IFNGR2: variants seen among roughly 807,000 people sequenced by gnomAD.
IFNGR2 encodes the protein IFN-gamma receptor 2.
A neutral mutation model predicts 41.1 loss-of-function variants in IFNGR2; 15 were observed. The observed-to-expected ratio is 0.37, with a 90% CI of 0.24 to 0.56. IFNGR2 has a LOEUF of 0.56. IFNGR2 is among the 20% of genes least tolerant of loss of function. The pLI, the probability that IFNGR2 is intolerant of heterozygous loss-of-function variation, is 0.81. For missense variants in IFNGR2, 362 were observed against 415.7 expected (o/e 0.87, Z 1.12); for synonymous variants, 161 against 171.6 (o/e 0.94, Z 0.48).
intron 2 of IFNGR2, 90 bp from the exon 3 acceptor site, chr21:33,421,390 A>G (rs2083790770): frequency 6.0e-6 from 6 of 999,526 alleles, no homozygotes; most frequent in Admixed American, 1.7e-5. Context: ...TTGTATCTCA[A>G]TAAACCTGCG....
chr21:33,414,817 G>T, intron 1 of IFNGR2, 71 bp from the exon 2 acceptor site: 1 of 1,497,554 alleles, frequency 6.7e-7, no homozygotes, highest in Non-Finnish European at 9.1e-7. Flanking sequence ...AATGGACATT[G>T]AAACATTTTT....
intron 4 of IFNGR2, among the ~76,000 whole-genome samples, chr21:33,428,164 C>T (rs984156703): frequency 2.0e-5 from 3 of 151,892 alleles, no homozygotes; most frequent in Non-Finnish European, 4.4e-5. Flanking sequence ...TGCTCTTGAC[C>T]ACCATCTTTT....
At chr21:33,429,296 A>C (rs1348910920) in intron 4 of IFNGR2, among the ~76,000 whole-genome samples, 1 of 151,888 alleles carries the variant, frequency 6.6e-6, no homozygotes, top group Non-Finnish European at 1.5e-5. Flanking sequence ...CCCAAGACCC[A>C]CCCTAGATCG....
chr21:33,410,110 C>T (rs1318293500), intron 1 of IFNGR2, among the ~76,000 whole-genome samples: 1 of 2,772 alleles, frequency 3.6e-4, no homozygotes, highest in Non-Finnish European at 1.2e-3. Flanking sequence ...ATGTATTATA[C>T]AGGAGGTTCT....
intron 2 of IFNGR2, among the ~76,000 whole-genome samples, chr21:33,417,792 T>C (rs1393545855): frequency 1.3e-5 from 2 of 152,104 alleles, no homozygotes; most frequent in South Asian, 2.1e-4. Context: ...GGCTGATGTA[T>C]TGACTTAGGC....
chr21:33,436,084 G>A (rs528557890), intron 6 of IFNGR2, among the ~76,000 whole-genome samples: 56 of 151,764 alleles, frequency 3.7e-4, no homozygotes, highest in Non-Finnish European at 4.0e-4. Context: ...GTTGCCGGGT[G>A]CAGTGGCTCA....
chr21:33,433,009 C>T, intron 6 of IFNGR2, 138 bp downstream of exon 6: 1 of 739,206 alleles, frequency 1.4e-6, no homozygotes. Flanking sequence ...CCTCAGCCTC[C>T]TGAGTAGCTG....
Position 33,426,980 on chromosome 21 carries a change from C to T in IFNGR2, c.509C>T (p.Thr170Met), listed in dbSNP as rs142997921. ...CCCTTTGACATCGCTGATACCTCCA[C>T]GGCCTTTTTTTGTTATTATGTCCAT... ...SSPFDIADTS[T>M]AFFCYYVHYW... is the part of the protein sequence containing the mutation. Residue 170 changes from threonine (T) to methionine (M), a missense_variant, in exon 4 of 7, where the codon ACG (threonine) becomes ATG (methionine). Transcript: ENST00000290219. 50 of 1,613,374 alleles carry T rather than the reference C, an allele frequency of 3.1e-5. No individual in the cohort carries two copies. The highest frequency in any genetic ancestry group is 1.1e-4 in the African/African-American group (8 of 74,844).
chr21:33,417,903 A>T (rs78618207), intron 2 of IFNGR2, among the ~76,000 whole-genome samples: 7 of 143,874 alleles, frequency 4.9e-5, no homozygotes, highest in African/African-American at 1.8e-4. Flanking sequence ...TTATTGCATT[A>T]AAAAAAAAAA....
At position 33,414,889 on chromosome 21, in the gene IFNGR2, C is replaced by A; in HGVS notation, c.75C>A (p.Asp25Glu). The stretch of plus-strand genomic sequence containing the variant: ...TTCTTTTTCTCTGTCCCCCTCAAGA[C>A]CCTCTTTCCCAGCTGCCCGCTCCTC... Reference protein sequence around the residue: ...VFAAAAAAPPDPLSQLPAPQH... With the variant: ...VFAAAAAAPPEPLSQLPAPQH... The change falls in exon 2 of 7, where the codon GAC (aspartate) becomes GAA (glutamate). Residue 25 changes from aspartate to glutamate, a missense_variant and splice_region_variant. Asp to Glu is a conservative substitution (Grantham distance 45). Coordinates refer to ENST00000290219, the MANE Select transcript of IFNGR2 (RefSeq NM_005534.4). 6.2e-7 allele frequency: 1 copy of A among 1,613,294 alleles called. No homozygotes were observed. Among genetic ancestry groups the A allele is most frequent in the East Asian group, 2.2e-5 (1 of 44,858 alleles).
chr21:33,431,531 T>C (rs898134778), intron 4 of IFNGR2, among the ~76,000 whole-genome samples: 1 of 152,158 alleles, frequency 6.6e-6, no homozygotes, highest in Non-Finnish European at 1.5e-5. Flanking sequence ...GGTCGCACCA[T>C]TGCGGTCCAG....
rs1322356949 is a variant in IFNGR2 at position 33,436,951 on chromosome 21, C to G, written c.1003C>G (p.Gln335Glu). Residue 335 changes from glutamine to glutamate, a missense_variant, in exon 7 of 7, where the codon CAA becomes GAA. Gln to Glu is a conservative substitution (Grantham distance 29). Coordinates refer to ENST00000290219, the MANE Select transcript of IFNGR2 (RefSeq NM_005534.4). ...FPEKEQEDVL[Q>E]TL ...GGAAAAGGAGCAAGAAGATGTTCTC[C>G]AAACGCTTTGAACCAAAGCATGGGC... 2 of 1,613,856 alleles carry G rather than the reference C, an allele frequency of 1.2e-6. No individual in the cohort carries two copies. Among genetic ancestry groups the G allele is most frequent in the Non-Finnish European group, 1.7e-6 (2 of 1,179,962 alleles).
intron 1 of IFNGR2, among the ~76,000 whole-genome samples, chr21:33,406,259 C>T (rs1381787639): frequency 6.6e-6 from 1 of 151,884 alleles, no homozygotes; most frequent in East Asian, 1.9e-4. Context: ...GCCTGTAATC[C>T]CAGCTACCTG....
Position 33,403,537 on chromosome 21 carries a change from C to G in IFNGR2, c.-7C>G. ...GCGACCTGAGCCGCCGCCGAGCGCC[C>G]GGGGCCATGCGACCGACGCTGCTGT... On this transcript the variant is annotated 5_prime_UTR_variant, in exon 1 of 7. Coordinates refer to ENST00000290219, the MANE Select transcript of IFNGR2 (RefSeq NM_005534.4). 1.5e-6 allele frequency: 2 copies of G among 1,303,904 alleles called. No individual in the cohort carries two copies. The highest frequency in any genetic ancestry group is 2.0e-6 in the Non-Finnish European group (2 of 1,019,172). The allele number at this position is 1,303,904 out of a possible 1,614,324, so 80.8% of individuals were successfully genotyped here. A position where few individuals can be genotyped will look rare whatever the true frequency, so the allele number is the denominator to read the frequency against.
Position 33,421,521 on chromosome 21 carries a change from G to C in IFNGR2, c.248G>C (p.Gly83Ala). 6.2e-7 allele frequency: 1 copy of C among 1,613,978 alleles called. No individual in the cohort carries two copies. The highest frequency in any genetic ancestry group is 8.5e-7 in the Non-Finnish European group (1 of 1,179,954). ...TTCACGGCCGACATCATGTCCATAG[G>C]GGTGAATTGTACACAGATCACAGCA... ...KWFTADIMSI[G>A]VNCTQITATE... The change falls in exon 3 of 7, where the codon GGG becomes GCG. Residue 83 changes from glycine to alanine, a missense_variant. By Grantham distance (60) the Gly-to-Ala change is moderately conservative. Transcript: ENST00000290219.
intron 2 of IFNGR2, among the ~76,000 whole-genome samples, chr21:33,416,801 G>C (rs929416236): frequency 2.2e-5 from 3 of 139,472 alleles, no homozygotes; most frequent in Non-Finnish European, 4.6e-5. Flanking sequence ...CAGGCTGGGC[G>C]ACAGAGCGAG....
At chr21:33,425,757 G>C (rs2083831057) in intron 3 of IFNGR2, among the ~76,000 whole-genome samples, 1 of 152,154 alleles carries the variant, frequency 6.6e-6, no homozygotes, top group South Asian at 2.1e-4. Context: ...ACAAATGAGG[G>C]GGCACAACTA....
At position 33,403,490 on chromosome 21, in the gene IFNGR2, G is replaced by C; in HGVS notation, c.-54G>C. ...GGGCGGCGACGTGAGCGGCTCCGCG[G>C]ACCCCGAGCGGGGCCCCGGCCGCGA... On this transcript the variant is annotated 5_prime_UTR_variant, in exon 1 of 7. Coordinates refer to ENST00000290219, the MANE Select transcript of IFNGR2 (RefSeq NM_005534.4). 9.1e-7 allele frequency: 1 copy of C among 1,102,270 alleles called. No homozygotes were observed. The highest frequency in any genetic ancestry group is 1.1e-6 in the Non-Finnish European group (1 of 897,510). 68.3% of individuals were successfully genotyped at this position (1,102,270 alleles called of 1,614,324 possible).
intron 4 of IFNGR2, among the ~76,000 whole-genome samples, chr21:33,430,952 G>A (rs1357633244): frequency 6.6e-6 from 1 of 152,130 alleles, no homozygotes; most frequent in African/African-American, 2.4e-5. Flanking sequence ...CCATAATAGG[G>A]TATCGCTGTT....
Sources: allele counts gnomAD v4.1 joint callset (sites outside exome capture counted in the v4.1 genomes callset), GRCh38; gene constraint gnomAD v4.1.1; transcripts MANE v1.5; gene names NCBI Gene and HGNC (gene_info 2026-07-23, HGNC 2026-07-21).